The following ZFPM2 variants were observed in gnomAD, a reference collection of about 807,000 sequenced individuals.
ZFPM2 encodes the protein zinc finger protein ZFPM2.
A neutral mutation model predicts 98.6 loss-of-function variants in ZFPM2; 20 were observed. The ratio of observed to expected loss-of-function variants is 0.20; its 90% confidence interval spans 0.14 to 0.29. The LOEUF (loss-of-function observed/expected upper bound fraction) is 0.29. Among genes scored for constraint, ZFPM2 ranks in the 10% least tolerant of loss-of-function variants. The probability of loss-of-function intolerance (pLI) is 1.00; values close to 1 mark genes in which losing one functional copy is unlikely to be tolerated. For synonymous variants in ZFPM2, 518 were observed against 502.7 expected (o/e 1.03, Z -0.41); for missense variants, 1,310 against 1,388.6 (o/e 0.94, Z 0.90).
At chr8:105,706,084 TTGA>T (rs2130965733) in intron 5 of ZFPM2, among the ~76,000 whole-genome samples, 1 of 152,284 alleles carries the variant, frequency 6.6e-6, no homozygotes, top group South Asian at 2.1e-4. Flanking sequence ...CCCCATTTTA[TTGA>T]TGAAGGAGCT....
At chr8:105,726,438 A>T (rs1335063296) in intron 5 of ZFPM2, among the ~76,000 whole-genome samples, 2 of 151,804 alleles carry the variant, frequency 1.3e-5, no homozygotes, top group African/African-American at 4.8e-5. Context: ...AATGTAAATA[A>T]AGAAGTCAGC....
At chr8:105,501,101 G>C (rs1190481290) in intron 3 of ZFPM2, among the ~76,000 whole-genome samples, 1 of 151,904 alleles carries the variant, frequency 6.6e-6, no homozygotes, top group South Asian at 2.1e-4. Context: ...CCAACCCTTA[G>C]AGTTTTCCTA....
chr8:105,347,788 G>C lies in ZFPM2; in HGVS notation c.40+28807G>C, dbSNP rs149028535. On this transcript the variant is annotated intron_variant, in intron 1 of 7. Coordinates refer to ENST00000407775, the MANE Select transcript of ZFPM2 (RefSeq NM_012082.4). The stretch of plus-strand genomic sequence containing the variant: ...ATTCAAGTGTTTAAATTTCAAATTA[G>C]TTGCTTGTCTTTATCATTCATTTTT... Among the ~76,000 whole-genome samples, 598 of 152,200 alleles carry C rather than the reference G, an allele frequency of 3.9e-3. 1 individual carries two copies. Among genetic ancestry groups the C allele is most frequent in the African/African-American group, 0.014 (561 of 41,512 alleles).
intron 3 of ZFPM2, among the ~76,000 whole-genome samples, chr8:105,472,886 G>T (rs1241230678): frequency 1.6e-5 from 2 of 125,724 alleles, no homozygotes; most frequent in East Asian, 4.9e-4. Flanking sequence ...CTCCTAAAGG[G>T]ACCTTTTTTT....
At chr8:105,760,676 G>C (rs1200221115) in intron 5 of ZFPM2, among the ~76,000 whole-genome samples, 1 of 151,836 alleles carries the variant, frequency 6.6e-6, no homozygotes, top group Non-Finnish European at 1.5e-5. Context: ...ACATCTTTAG[G>C]GATAGAATTA....
intron 4 of ZFPM2, among the ~76,000 whole-genome samples, chr8:105,611,550 A>G (rs907516764): frequency 6.6e-6 from 1 of 152,158 alleles, no homozygotes; most frequent in African/African-American, 2.4e-5. Context: ...AAAAACTCCA[A>G]GGATCAGGGA....
intron 4 of ZFPM2, among the ~76,000 whole-genome samples, chr8:105,625,611 A>G (rs1053481507): frequency 2.0e-5 from 3 of 146,898 alleles, no homozygotes; most frequent in Non-Finnish European, 4.5e-5. Flanking sequence ...TTGGACTTTC[A>G]CTCTTATACC....
At chr8:105,635,821 A>G (rs1479490656) in intron 5 of ZFPM2, among the ~76,000 whole-genome samples, 1 of 152,144 alleles carries the variant, frequency 6.6e-6, no homozygotes, top group Non-Finnish European at 1.5e-5. Context: ...AATTCATTGC[A>G]TTTTTAAATC....
At chr8:105,354,038 A>G (rs1351215142) in intron 1 of ZFPM2, among the ~76,000 whole-genome samples, 1 of 152,186 alleles carries the variant, frequency 6.6e-6, no homozygotes, top group South Asian at 2.1e-4. Context: ...GCAAGCAAAT[A>G]AAAAAAAGTA....
chr8:105,491,134 G>T (rs1355176249), intron 3 of ZFPM2, among the ~76,000 whole-genome samples: 4 of 152,058 alleles, frequency 2.6e-5, no homozygotes, highest in Non-Finnish European at 5.9e-5. Flanking sequence ...CCTGCAATTT[G>T]AAATTCTGAA....
intron 5 of ZFPM2, among the ~76,000 whole-genome samples, chr8:105,732,033 G>A (rs11989376): frequency 0.057 from 8,616 of 151,580 alleles, 831 homozygotes; most frequent in African/African-American, 0.2. Flanking sequence ...GGTAGGCTGT[G>A]GCAAAAAGAT....
intron 3 of ZFPM2, among the ~76,000 whole-genome samples, chr8:105,491,372 C>T (rs1813352677): frequency 6.6e-6 from 1 of 152,042 alleles, no homozygotes; most frequent in Admixed American, 6.6e-5. Context: ...TTGTGGTATT[C>T]AATTATGCAA....
chr8:105,664,595 A>G (rs890524198), intron 5 of ZFPM2, among the ~76,000 whole-genome samples: 8 of 152,158 alleles, frequency 5.3e-5, no homozygotes, highest in African/African-American at 1.9e-4. Flanking sequence ...TGGCCTCCCA[A>G]AGTGCTTGGG....
At chr8:105,721,883 G>A (rs1811677188) in intron 5 of ZFPM2, among the ~76,000 whole-genome samples, 1 of 151,922 alleles carries the variant, frequency 6.6e-6, no homozygotes, top group South Asian at 2.1e-4. Flanking sequence ...CTTGCCACTT[G>A]TGGCTATGGA....
rs1812154641 is a variant in ZFPM2, at chr8:105,739,056, A to G, written c.533-49662A>G. Among the ~76,000 whole-genome samples, 3 of 152,058 alleles carry G rather than the reference A, an allele frequency of 2.0e-5. No homozygotes were observed. The South Asian group carries it at 6.2e-4, about 31-fold the overall frequency. ...GTGTTTATTGGCAGCAGGCACACTG[A>G]CAACAGAGGGAAGTAAGCAAAAAGA... On this transcript the variant is annotated intron_variant, in intron 5 of 7. Transcript: ENST00000407775.
intron 2 of ZFPM2, among the ~76,000 whole-genome samples, chr8:105,427,892 A>G (rs1284261357): frequency 6.6e-6 from 1 of 152,214 alleles, no homozygotes; most frequent in Non-Finnish European, 1.5e-5. Context: ...TAATGGTAAT[A>G]ACAACGTCCA....
At chr8:105,400,012 C>T (rs1392333056) in intron 1 of ZFPM2, among the ~76,000 whole-genome samples, 3 of 152,154 alleles carry the variant, frequency 2.0e-5, no homozygotes, top group African/African-American at 7.2e-5. Flanking sequence ...AGGTAATCCG[C>T]TCGTCTCGGC....
intron 2 of ZFPM2, among the ~76,000 whole-genome samples, chr8:105,431,921 C>CA (rs150549199): frequency 1.5e-5 from 2 of 133,470 alleles, no homozygotes; most frequent in South Asian, 2.3e-4. Flanking sequence ...GACTGTGTCT[C>CA]AAAAAAAAGA....
chr8:105,789,344 T>C (rs1813524615), intron 6 of ZFPM2, among the ~76,000 whole-genome samples: 1 of 152,178 alleles, frequency 6.6e-6, no homozygotes, highest in Non-Finnish European at 1.5e-5. Flanking sequence ...TGTTTGGTTT[T>C]TGTTCTTGCG....
Sources: allele counts gnomAD v4.1 joint callset (sites outside exome capture counted in the v4.1 genomes callset), GRCh38; gene constraint gnomAD v4.1.1; transcripts MANE v1.5; gene names NCBI Gene and HGNC (gene_info 2026-07-23, HGNC 2026-07-21).